Variants in IFTAP observed in about 807,000 individuals in gnomAD.
The protein encoded by IFTAP is intraflagellar transport-associated protein.
In IFTAP, 19 loss-of-function variants were observed where a neutral mutation model predicts 19.4. That is an observed-to-expected ratio of 0.98 (90% CI 0.68 to 1.44). IFTAP has a LOEUF of 1.44. Ranked by LOEUF, IFTAP falls within the 40% of genes most tolerant of loss-of-function variation. IFTAP has a pLI of 0.00. For synonymous variants in IFTAP, 85 were observed against 83.5 expected (o/e 1.02, Z -0.10); for missense variants, 240 against 253.6 (o/e 0.95, Z 0.36).
chr11:36,631,710 G>A (rs769197292), intron 2 of IFTAP, among the ~76,000 whole-genome samples: 1 of 151,136 alleles, frequency 6.6e-6, no homozygotes, highest in Non-Finnish European at 1.5e-5. Context: ...TATAGTAGAG[G>A]CTAGTAAGGG....
In IFTAP at chr11:36,647,943, C is replaced by A. The variant is rs919151690; in HGVS notation, c.359-73C>A. 12 of 1,538,386 alleles carry A rather than the reference C, an allele frequency of 7.8e-6. No individual in the cohort carries two copies. The African/African-American group carries it at 1.4e-4, about 18-fold the overall frequency. ...ATATTTGCTTCATTTTCTTCGACTT[C>A]TGGGCATTTAAATGATTTAGGTAAA... On this transcript the variant is annotated intron_variant, in intron 4 of 5. Coordinates refer to ENST00000334307, the MANE Select transcript of IFTAP (RefSeq NM_138787.4).
At chr11:36,638,879 T>C (rs1267462196) in intron 4 of IFTAP, among the ~76,000 whole-genome samples, 1 of 152,204 alleles carries the variant, frequency 6.6e-6, no homozygotes, top group Non-Finnish European at 1.5e-5. Context: ...CTAATATTTG[T>C]TTTATCACTT....
At chr11:36,620,069 C>G (rs868768112) in intron 2 of IFTAP, among the ~76,000 whole-genome samples, 2 of 151,848 alleles carry the variant, frequency 1.3e-5, no homozygotes, top group East Asian at 3.9e-4. Context: ...TCTTGCATCC[C>G]AAGGGAGCGA....
At chr11:36,646,482 ATGT>A (rs933376983) in intron 4 of IFTAP, among the ~76,000 whole-genome samples, 25 of 152,240 alleles carry the variant, frequency 1.6e-4, no homozygotes, top group Middle Eastern at 3.4e-3. Flanking sequence ...GAATTTTAAA[ATGT>A]TGTTTCTCTG....
chr11:36,609,996 A>G, intron 1 of IFTAP, 85 bp from the exon 2 acceptor site: 1 of 1,258,598 alleles, frequency 7.9e-7, no homozygotes, highest in Non-Finnish European at 1.1e-6. Context: ...GGAGCCTTGG[A>G]ATTTTTCAAC....
At chr11:36,605,897 T>A (rs1851676611) in intron 1 of IFTAP, among the ~76,000 whole-genome samples, 1 of 152,202 alleles carries the variant, frequency 6.6e-6, no homozygotes, top group African/African-American at 2.4e-5. Flanking sequence ...CTCCCCCTCT[T>A]TTTCTTTTAG....
chr11:36,617,675 T>G (rs973416818), intron 2 of IFTAP, among the ~76,000 whole-genome samples: 5 of 152,044 alleles, frequency 3.3e-5, no homozygotes, highest in Non-Finnish European at 7.4e-5. Context: ...GACTGTCTAG[T>G]GCTCTTTATT....
chr11:36,615,066 G>A (rs1314935488), intron 2 of IFTAP, among the ~76,000 whole-genome samples: 23 of 126,066 alleles, frequency 1.8e-4, no homozygotes, highest in African/African-American at 6.3e-4. Context: ...TAACGTTTAA[G>A]TCTTTAATCC....
intron 2 of IFTAP, among the ~76,000 whole-genome samples, chr11:36,626,378 A>G (rs1270775041): frequency 6.6e-6 from 1 of 151,304 alleles, no homozygotes; most frequent in Non-Finnish European, 1.5e-5. Context: ...GGACTAGATT[A>G]TATGTTTCTT....
chr11:36,645,038 A>G (rs1473563842), intron 4 of IFTAP, among the ~76,000 whole-genome samples: 1 of 152,046 alleles, frequency 6.6e-6, no homozygotes, highest in Non-Finnish European at 1.5e-5. Context: ...CTGGACGGCT[A>G]AAGTGTTTTT....
intron 5 of IFTAP, among the ~76,000 whole-genome samples, chr11:36,649,750 A>C (rs1218973689): frequency 6.6e-6 from 1 of 152,158 alleles, no homozygotes; most frequent in Non-Finnish European, 1.5e-5. Context: ...GTTGGAATCA[A>C]AATGATACAA....
intron 4 of IFTAP, among the ~76,000 whole-genome samples, chr11:36,642,053 T>G (rs547930383): frequency 6.6e-6 from 1 of 152,252 alleles, no homozygotes; most frequent in East Asian, 1.9e-4. Context: ...TCTTTTGATC[T>G]TTGTTGGTTT....
At chr11:36,603,319 A>C (rs1851575164) in intron 1 of IFTAP, among the ~76,000 whole-genome samples, 1 of 152,180 alleles carries the variant, frequency 6.6e-6, no homozygotes, top group South Asian at 2.1e-4. Flanking sequence ...TCTCTCCCAG[A>C]GCTTTCTGTT....
At chr11:36,603,714 G>A (rs1373706542) in intron 1 of IFTAP, among the ~76,000 whole-genome samples, 1 of 152,094 alleles carries the variant, frequency 6.6e-6, no homozygotes, top group Non-Finnish European at 1.5e-5. Flanking sequence ...TTGAGGTTAG[G>A]TGTTTGAGAC....
intron 4 of IFTAP, among the ~76,000 whole-genome samples, chr11:36,642,473 T>C (rs1212043908): frequency 5.3e-5 from 8 of 152,220 alleles, no homozygotes; most frequent in Admixed American, 3.3e-4. Flanking sequence ...TTCCAATGAA[T>C]AGGAAAAGAG....
chr11:36,656,170 C>T (rs935594205), intron 5 of IFTAP, among the ~76,000 whole-genome samples: 2 of 151,992 alleles, frequency 1.3e-5, no homozygotes, highest in African/African-American at 4.8e-5. Flanking sequence ...GAAGTAAGTC[C>T]GAAATACAGG....
intron 1 of IFTAP, among the ~76,000 whole-genome samples, chr11:36,607,032 T>A (rs1851718836): frequency 6.6e-6 from 1 of 152,238 alleles, no homozygotes; most frequent in Non-Finnish European, 1.5e-5. Context: ...ACAAATAGCT[T>A]GAAACAGTTT....
chr11:36,632,266 A>C (rs937488556), intron 2 of IFTAP, among the ~76,000 whole-genome samples: 1 of 151,144 alleles, frequency 6.6e-6, no homozygotes, highest in Non-Finnish European at 1.5e-5. Context: ...CCTGATTATT[A>C]ATTTTAATAT....
intron 2 of IFTAP, among the ~76,000 whole-genome samples, chr11:36,622,249 TTAGAAAG>T (rs1223764354): frequency 1.3e-5 from 2 of 152,012 alleles, no homozygotes; most frequent in Admixed American, 1.3e-4. Context: ...TTATTCTACT[TTAGAAAG>T]TTTGAAAACT....
Sources: gnomAD v4.1 joint callset for allele counts (sites outside exome capture counted in the v4.1 genomes callset) on GRCh38, gnomAD v4.1.1 for gene constraint, MANE v1.5 for transcripts, NCBI Gene and HGNC (gene_info 2026-07-23, HGNC 2026-07-21) for gene names.